Variants in FAM185A observed in about 807,000 individuals in gnomAD.
FAM185A encodes the protein family with sequence similarity 185 member A.
FAM185A carries 21 observed loss-of-function variants against 45.7 expected under a neutral mutation model. That is an observed-to-expected ratio of 0.46 (90% confidence interval 0.33 to 0.66). The LOEUF is 0.66. Among genes scored for constraint, FAM185A ranks in the 30% least tolerant of loss-of-function variants. The pLI is 0.03. For synonymous variants in FAM185A, 117 were observed against 194.0 expected (o/e 0.60, Z 3.30); for missense variants, 305 against 485.4 (o/e 0.63, Z 3.49).
At chr7:102,819,562 C>T in the FAM185A span, among the ~76,000 whole-genome samples, 1 of 152,172 alleles carries the variant, frequency 6.6e-6, no homozygotes, top group Admixed American at 6.5e-5. Context: ...ATGTATAAAA[C>T]AGCCTCTTCT....
chr7:102,830,805 TA>T, the FAM185A span, among the ~76,000 whole-genome samples: 1 of 152,248 alleles, frequency 6.6e-6, no homozygotes, highest in Non-Finnish European at 1.5e-5. Context: ...AATAACCTTG[TA>T]ATTTCTGAGG....
chr7:102,826,724 CATATAT>C, the FAM185A span, among the ~76,000 whole-genome samples: 842 of 62,360 alleles, frequency 0.014, 17 homozygotes, highest in Middle Eastern at 0.033. Context: ...GACCCTGTCT[CATATAT>C]ATATATATAT....
the FAM185A span, among the ~76,000 whole-genome samples, chr7:102,847,874 A>G: frequency 1.3e-5 from 2 of 152,068 alleles, no homozygotes; most frequent in African/African-American, 2.4e-5. Context: ...ACCATCATCT[A>G]TTGGTTTTAG....
chr7:102,796,669 T>C (rs986430276), intron 7 of FAM185A, among the ~76,000 whole-genome samples: 4 of 152,206 alleles, frequency 2.6e-5, no homozygotes, highest in African/African-American at 7.2e-5. Context: ...ATGTCTAGCA[T>C]TGAATCAAAG....
chr7:102,819,946 C>A, the FAM185A span, among the ~76,000 whole-genome samples: 2 of 152,160 alleles, frequency 1.3e-5, no homozygotes, highest in Admixed American at 1.3e-4. Context: ...TGCAACTAGG[C>A]CCCCTTACAG....
At chr7:102,753,461 G>C (rs549373576) in intron 2 of FAM185A, among the ~76,000 whole-genome samples, 1 of 151,932 alleles carries the variant, frequency 6.6e-6, no homozygotes, top group Admixed American at 6.6e-5. Context: ...TTTTCAGTCA[G>C]GTGATTTGTT....
chr7:102,787,539 C>A, intron 7 of FAM185A, 70 bp downstream of exon 7: 3 of 1,318,162 alleles, frequency 2.3e-6, no homozygotes, highest in South Asian at 2.4e-5. Flanking sequence ...ATGTGGTACA[C>A]TTAACGGAAG....
At chr7:102,758,644 C>A (rs1324373284) in intron 3 of FAM185A, among the ~76,000 whole-genome samples, 1 of 151,800 alleles carries the variant, frequency 6.6e-6, no homozygotes, top group East Asian at 1.9e-4. Flanking sequence ...TTTTATTTTA[C>A]ACTTATACAA....
chr7:102,776,711 A>AAAAAAAAG, intron 5 of FAM185A, among the ~76,000 whole-genome samples: 1 of 151,466 alleles, frequency 6.6e-6, no homozygotes, highest in East Asian at 1.9e-4. Context: ...CTAAAAAAAA[A>AAAAAAAAG]AAAAAAAAGA....
chr7:102,849,783 A>G, the FAM185A span, among the ~76,000 whole-genome samples: 5 of 152,020 alleles, frequency 3.3e-5, no homozygotes, highest in Non-Finnish European at 5.9e-5. Context: ...TGAATCTTGG[A>G]AGAGGTAAAA....
At chr7:102,758,427 C>CTTTTTTTTT (rs869220298) in intron 3 of FAM185A, among the ~76,000 whole-genome samples, 2 of 45,900 alleles carry the variant, frequency 4.4e-5, no homozygotes, top group East Asian at 7.6e-4. Flanking sequence ...GCTCTCACAG[C>CTTTTTTTTT]TTTTTTTTTT....
intron 6 of FAM185A, among the ~76,000 whole-genome samples, chr7:102,783,950 G>T (rs1252057963): frequency 1.3e-5 from 2 of 152,190 alleles, no homozygotes; most frequent in Admixed American, 1.3e-4. Flanking sequence ...GACTAATTAA[G>T]AAGAAAAGAG....
chr7:102,808,233 G>A, intron 7 of FAM185A, 57 bp from the exon 8 acceptor site: 1 of 1,103,488 alleles, frequency 9.1e-7, no homozygotes, highest in South Asian at 1.3e-5. Context: ...TGTGTTGCTA[G>A]GATCTATGTG....
At chr7:102,797,809 G>A (rs1026288406) in intron 7 of FAM185A, among the ~76,000 whole-genome samples, 2 of 152,160 alleles carry the variant, frequency 1.3e-5, no homozygotes, top group Non-Finnish European at 2.9e-5. Flanking sequence ...TAATAATAAG[G>A]CAGCAGCAGA....
chr7:102,825,732 G>T, the FAM185A span, among the ~76,000 whole-genome samples: 1 of 152,184 alleles, frequency 6.6e-6, no homozygotes, highest in Admixed American at 6.5e-5. Flanking sequence ...GTGCAATTTG[G>T]TAGGTAATAA....
the FAM185A span, among the ~76,000 whole-genome samples, chr7:102,837,785 C>T: frequency 5.5e-4 from 84 of 152,328 alleles, no homozygotes; most frequent in Non-Finnish European, 1.0e-3. Context: ...TCAAGTGATC[C>T]TTCCTCCTTG....
chr7:102,810,681 A>C (rs1180766998), downstream of FAM185A, among the ~76,000 whole-genome samples: 2 of 151,096 alleles, frequency 1.3e-5, no homozygotes, highest in African/African-American at 4.9e-5. Flanking sequence ...GAAGCCTTAA[A>C]CTCCTGGCCT....
the FAM185A span, among the ~76,000 whole-genome samples, chr7:102,827,396 T>C: frequency 3.3e-5 from 5 of 152,298 alleles, no homozygotes; most frequent in African/African-American, 1.2e-4. Context: ...CCCACAGGTT[T>C]GTGAGAAAAT....
At chr7:102,786,231 G>T (rs1414036576) in intron 6 of FAM185A, among the ~76,000 whole-genome samples, 1 of 152,194 alleles carries the variant, frequency 6.6e-6, no homozygotes, top group African/African-American at 2.4e-5. Context: ...ACACTGTTGG[G>T]TGGACTGTAA....
Sources: allele counts gnomAD v4.1 joint callset (sites outside exome capture counted in the v4.1 genomes callset), GRCh38; gene constraint gnomAD v4.1.1; transcripts MANE v1.5; gene names NCBI Gene and HGNC (gene_info 2026-07-23, HGNC 2026-07-21).